DPP10: variants seen among roughly 807,000 people sequenced by gnomAD.
DPP10 encodes dipeptidyl peptidase like 10, also known as inactive dipeptidyl peptidase 10.
DPP10 carries 33 observed loss-of-function variants against 120.9 expected under a neutral mutation model. The ratio of observed to expected loss-of-function variants is 0.27; its 90% confidence interval spans 0.21 to 0.37. The LOEUF (loss-of-function observed/expected upper bound fraction) is 0.37, where lower values mean the gene tolerates loss of function less well. Ranked by LOEUF, DPP10 falls within the 10% of genes least tolerant of loss-of-function variation. The pLI, the probability that DPP10 is intolerant of heterozygous loss-of-function variation, is 1.00. For missense variants in DPP10, 816 were observed against 942.8 expected (o/e 0.87, Z 1.76); for synonymous variants, 337 against 326.1 (o/e 1.03, Z -0.36).
intron 21 of DPP10, among the ~76,000 whole-genome samples, chr2:115,816,628 T>G (rs968319957): frequency 2.4e-4 from 36 of 149,816 alleles, no homozygotes; most frequent in Admixed American, 5.9e-4. Flanking sequence ...TGTTTTTTTT[T>G]TTTTTTTGAG....
intron 1 of DPP10, among the ~76,000 whole-genome samples, chr2:115,245,783 A>T (rs1451217837): frequency 1.3e-5 from 2 of 152,126 alleles, no homozygotes; most frequent in African/African-American, 4.8e-5. Context: ...TACATGATAG[A>T]TTTCTGTCAT....
chr2:114,479,486 G>C (rs937582405), intron 1 of DPP10, among the ~76,000 whole-genome samples: 4 of 151,846 alleles, frequency 2.6e-5, no homozygotes, highest in African/African-American at 7.3e-5. Flanking sequence ...ATGTAGAAAA[G>C]ATAGCCTTTT....
chr2:115,639,386 G>T (rs904870916), intron 5 of DPP10, among the ~76,000 whole-genome samples: 2 of 152,098 alleles, frequency 1.3e-5, no homozygotes, highest in Non-Finnish European at 2.9e-5. Flanking sequence ...TATAACCTAG[G>T]ACAATTAGGA....
intron 19 of DPP10, among the ~76,000 whole-genome samples, chr2:115,814,167 T>C (rs1686968713): frequency 6.6e-6 from 1 of 152,174 alleles, no homozygotes; most frequent in African/African-American, 2.4e-5. Flanking sequence ...CAAACATATA[T>C]ATCTATGCTT....
At chr2:115,623,301 G>A (rs753351536) in intron 5 of DPP10, among the ~76,000 whole-genome samples, 27 of 151,962 alleles carry the variant, frequency 1.8e-4, no homozygotes, top group Middle Eastern at 3.2e-3. Context: ...AAAAATTTAC[G>A]TCCTCAATCA....
intron 1 of DPP10, among the ~76,000 whole-genome samples, chr2:115,017,533 G>T (rs1302181399): frequency 6.6e-6 from 1 of 152,022 alleles, no homozygotes; most frequent in Non-Finnish European, 1.5e-5. Flanking sequence ...AAATCATGCT[G>T]CTATAAAGAC....
chr2:114,452,848 C>T (rs1399845011), intron 1 of DPP10, among the ~76,000 whole-genome samples: 1 of 152,132 alleles, frequency 6.6e-6, no homozygotes, highest in Non-Finnish European at 1.5e-5. Context: ...TAACTTCTGC[C>T]ATGGTGATTA....
chr2:115,060,199 A>C (rs957658852), intron 1 of DPP10, among the ~76,000 whole-genome samples: 3 of 148,644 alleles, frequency 2.0e-5, no homozygotes, highest in Admixed American at 6.7e-5. Context: ...TGATAAAGAA[A>C]TTTATATATA....
chr2:115,343,983 TG>T (rs1488329925), intron 3 of DPP10, 71 bp downstream of exon 3: 1 of 1,297,944 alleles, frequency 7.7e-7, no homozygotes, highest in Non-Finnish European at 1.1e-6. Context: ...AAAAATGAGA[TG>T]TGTAAGCTGG....
At chr2:114,658,177 C>T (rs544815240) in intron 1 of DPP10, among the ~76,000 whole-genome samples, 2 of 152,076 alleles carry the variant, frequency 1.3e-5, no homozygotes, top group Admixed American at 6.6e-5. Context: ...GGTAACAAGG[C>T]GTTCACAAAT....
At chr2:115,753,753 G>C (rs954497825) in intron 11 of DPP10, among the ~76,000 whole-genome samples, 1 of 152,030 alleles carries the variant, frequency 6.6e-6, no homozygotes, top group African/African-American at 2.4e-5. Flanking sequence ...TAAAAAATTG[G>C]TTCATGAACT....
intron 3 of DPP10, among the ~76,000 whole-genome samples, chr2:115,486,784 A>G (rs2075804373): frequency 6.6e-6 from 1 of 152,130 alleles, no homozygotes; most frequent in Admixed American, 6.6e-5. Flanking sequence ...AAATAATCCA[A>G]AGAATGAAAT....
chr2:115,234,975 CTCT>C (rs1459193476), intron 1 of DPP10, among the ~76,000 whole-genome samples: 13 of 152,238 alleles, frequency 8.5e-5, no homozygotes, highest in Non-Finnish European at 1.5e-4. Context: ...TTTATGATCT[CTCT>C]GGGATAAGAA....
At chr2:115,599,075 A>C (rs551809366) in intron 5 of DPP10, among the ~76,000 whole-genome samples, 127 of 150,636 alleles carry the variant, frequency 8.4e-4, no homozygotes, top group African/African-American at 3.0e-3. Flanking sequence ...CTCTAAAATC[A>C]TATGTTATTT....
chr2:114,916,064 T>A (rs1015627451), intron 1 of DPP10, among the ~76,000 whole-genome samples: 1 of 151,468 alleles, frequency 6.6e-6, no homozygotes, highest in Non-Finnish European at 1.5e-5. Flanking sequence ...AAAGCATAAA[T>A]AAGAAAGACA....
At chr2:115,492,525 A>T (rs967280663) in intron 3 of DPP10, among the ~76,000 whole-genome samples, 7 of 152,100 alleles carry the variant, frequency 4.6e-5, no homozygotes, top group Non-Finnish European at 8.8e-5. Context: ...TGAGAAAGAT[A>T]TATTTATGAG....
intron 1 of DPP10, among the ~76,000 whole-genome samples, chr2:115,159,940 C>T (rs1299719758): frequency 6.6e-6 from 1 of 152,112 alleles, no homozygotes; most frequent in Non-Finnish European, 1.5e-5. Flanking sequence ...TAAATTCCTT[C>T]AACTCAAGCA....
chr2:115,710,449 A>G (rs2092280956), intron 7 of DPP10, among the ~76,000 whole-genome samples: 1 of 152,106 alleles, frequency 6.6e-6, no homozygotes, highest in Admixed American at 6.6e-5. Flanking sequence ...TTCCTTAATA[A>G]TAATTTTCAC....
At chr2:115,125,824 C>T (rs185198629) in intron 1 of DPP10, among the ~76,000 whole-genome samples, 124 of 152,156 alleles carry the variant, frequency 8.1e-4, no homozygotes, top group Admixed American at 5.6e-3. Flanking sequence ...CCTCTTGATT[C>T]GCCCTCCTTG....
Sources: allele counts gnomAD v4.1 joint callset (sites outside exome capture counted in the v4.1 genomes callset), GRCh38; gene constraint gnomAD v4.1.1; transcripts MANE v1.5; gene names NCBI Gene and HGNC (gene_info 2026-07-23, HGNC 2026-07-21).